Variants in ABR observed in about 807,000 individuals in gnomAD.
The protein encoded by ABR is active breakpoint cluster region-related protein.
In ABR, 35 loss-of-function variants were observed where a neutral mutation model predicts 107.2. The ratio of observed to expected loss-of-function variants is 0.33; its 90% CI spans 0.25 to 0.43. ABR has a LOEUF of 0.43. Among genes scored for constraint, ABR ranks in the 20% least tolerant of loss-of-function variants. ABR has a pLI of 1.00. For synonymous variants in ABR, 498 were observed against 462.0 expected, an observed-to-expected ratio of 1.08 and a Z score of -1.00; for missense variants, 815 against 1,115.2, an observed-to-expected ratio of 0.73 and a Z score of 3.83.
upstream of ABR, among the ~76,000 whole-genome samples, chr17:1,188,919 C>A (rs1158751363): frequency 6.6e-6 from 1 of 152,214 alleles, no homozygotes; most frequent in East Asian, 1.9e-4. Context: ...ACTGCACCAG[C>A]TTCTCTTAGG....
chr17:1,066,627 C>G (rs928336916), intron 10 of ABR, among the ~76,000 whole-genome samples: 15 of 151,992 alleles, frequency 9.9e-5, no homozygotes, highest in African/African-American at 3.4e-4. Flanking sequence ...CTCCCGGGTT[C>G]AAGCCATTCT....
chr17:1,095,664 T>G (rs1447757748), intron 3 of ABR, among the ~76,000 whole-genome samples: 1 of 152,078 alleles, frequency 6.6e-6, no homozygotes, highest in Non-Finnish European at 1.5e-5. Flanking sequence ...GACCCGTGAG[T>G]GACTTCAACC....
intron 16 of ABR, among the ~76,000 whole-genome samples, chr17:1,017,218 C>T (rs996251421): frequency 1.3e-5 from 2 of 152,070 alleles, no homozygotes; most frequent in South Asian, 2.1e-4. Context: ...TCAAAGGAAG[C>T]CCCAGCTCTG....
At chr17:1,180,906 G>A (rs2042113167), upstream of ABR, among the ~76,000 whole-genome samples, 1 of 152,198 alleles carries the variant, frequency 6.6e-6, no homozygotes, top group African/African-American at 2.4e-5. Context: ...AGGACAGGAG[G>A]GGAGTCAGGC....
At chr17:1,041,257 G>A (rs2030416835) in intron 16 of ABR, among the ~76,000 whole-genome samples, 1 of 152,146 alleles carries the variant, frequency 6.6e-6, no homozygotes. Flanking sequence ...TGAGGTCCTG[G>A]TCATTCTTTG....
At chr17:1,025,423 G>A (rs1484350039) in intron 16 of ABR, among the ~76,000 whole-genome samples, 2 of 152,162 alleles carry the variant, frequency 1.3e-5, no homozygotes, top group African/African-American at 4.8e-5. Context: ...CGTACAGTAC[G>A]TGTTCAAAAC....
At chr17:1,152,484 G>A (rs774089301) in intron 1 of ABR, among the ~76,000 whole-genome samples, 13 of 150,896 alleles carry the variant, frequency 8.6e-5, no homozygotes, top group Non-Finnish European at 1.3e-4. Context: ...TCAGCTACTC[G>A]GGAGGCTGAA....
At chr17:1,106,398 A>G (rs374218905) in intron 2 of ABR, among the ~76,000 whole-genome samples, 2 of 148,126 alleles carry the variant, frequency 1.4e-5, no homozygotes, top group East Asian at 4.1e-4. Context: ...ACAGGAGTGT[A>G]TCATCCAGAA....
intron 10 of ABR, among the ~76,000 whole-genome samples, chr17:1,062,315 GA>G (rs1405742202): frequency 3.4e-5 from 5 of 149,186 alleles, no homozygotes; most frequent in African/African-American, 1.2e-4. Context: ...TGTTCCTCCA[GA>G]CACTGTTGTT....
intron 1 of ABR, among the ~76,000 whole-genome samples, chr17:1,211,001 C>T (rs967558327): frequency 6.6e-6 from 1 of 152,160 alleles, no homozygotes; most frequent in Non-Finnish European, 1.5e-5. Flanking sequence ...GATTCCTGGC[C>T]GAGCGTGGTG....
chr17:1,176,743 A>C (rs916949959), intron 1 of ABR, among the ~76,000 whole-genome samples: 1 of 152,114 alleles, frequency 6.6e-6, no homozygotes, highest in African/African-American at 2.4e-5. Context: ...GCTACTCAGG[A>C]GGCTGAGGCA....
chr17:1,152,801 A>T (rs1019881993), intron 1 of ABR, among the ~76,000 whole-genome samples: 4 of 151,530 alleles, frequency 2.6e-5, no homozygotes, highest in African/African-American at 9.7e-5. Context: ...AACAAAAAAA[A>T]TTCTGACACA....
chr17:1,213,325 C>T (rs868297551), intron 1 of ABR, among the ~76,000 whole-genome samples: 14 of 152,172 alleles, frequency 9.2e-5, no homozygotes, highest in Admixed American at 7.9e-4. Flanking sequence ...AGCAGGAAGA[C>T]GTGGCCATAG....
Position 1,125,571 on chromosome 17 carries a change from G to A in ABR, c.62-204C>T, listed in dbSNP as rs773873486. 387 of 389,376 alleles carry A rather than the reference G, an allele frequency of 9.9e-4. 3 individuals are homozygous for A. Among genetic ancestry groups the A allele is most frequent in the Admixed American group, 1.3e-3 (28 of 21,284 alleles). The allele number at this position is 389,376 out of a possible 1,614,324, so 24.1% of individuals were successfully genotyped here. The stretch of plus-strand genomic sequence containing the variant: ...GCAGGCACCGGGCCCTGCCCGCTCC[G>A]GGGCTGCTGGGAGGCGGGGAGGAGC... On this transcript the variant is annotated intron_variant, in intron 1 of 22. Transcript: ENST00000302538.
chr17:1,089,857 T>G (rs575809165), intron 4 of ABR, among the ~76,000 whole-genome samples: 9 of 152,246 alleles, frequency 5.9e-5, no homozygotes, highest in Admixed American at 2.6e-4. Context: ...CTACTCGGGA[T>G]GCTGAGGCAG....
chr17:1,174,318 A>C (rs2041848551), intron 1 of ABR, among the ~76,000 whole-genome samples: 1 of 152,234 alleles, frequency 6.6e-6, no homozygotes, highest in South Asian at 2.1e-4. Context: ...TTACTGGGCT[A>C]TTCCGAAAAC....
rs1322981667 is a variant in ABR at position 1,125,420 on chromosome 17, G to A, written c.62-53C>T. The stretch of plus-strand genomic sequence containing the variant: ...GAGAATCCTCCACCAGAGCTGCCAG[G>A]GACTGGTAGCGTAGTGGGCGCCGGC... On this transcript the variant is annotated intron_variant, in intron 1 of 22. Coordinates refer to ENST00000302538, the MANE Select transcript of ABR (RefSeq NM_021962.5). 3 of 1,596,882 alleles carry A rather than the reference G, an allele frequency of 1.9e-6. No individual in the cohort carries two copies. The Admixed American group carries it at 5.0e-5, about 27-fold the overall frequency.
chr17:1,131,132 C>A (rs1352795007), intron 1 of ABR, among the ~76,000 whole-genome samples: 14 of 138,606 alleles, frequency 1.0e-4, no homozygotes, highest in African/African-American at 4.1e-4. Context: ...GCACAGCTCC[C>A]CCCTCTTTGC....
intron 16 of ABR, among the ~76,000 whole-genome samples, chr17:1,019,130 C>T (rs1352006007): frequency 6.6e-6 from 1 of 152,206 alleles, no homozygotes; most frequent in Non-Finnish European, 1.5e-5. Flanking sequence ...TACAGCCCTC[C>T]CGCTGCCTCG....
Sources: allele counts gnomAD v4.1 joint callset (sites outside exome capture counted in the v4.1 genomes callset), GRCh38; gene constraint gnomAD v4.1.1; transcripts MANE v1.5; gene names NCBI Gene and HGNC (gene_info 2026-07-23, HGNC 2026-07-21).